Variants in MORC1 observed in about 807,000 individuals in gnomAD.
MORC1 encodes MORC family CW-type zinc finger protein 1.
In MORC1, 59 loss-of-function variants were observed where a neutral mutation model predicts 134.9. That is an observed-to-expected ratio of 0.44 (90% CI 0.35 to 0.54). The LOEUF (loss-of-function observed/expected upper bound fraction) is 0.54. Ranked by LOEUF, MORC1 falls within the 20% of genes least tolerant of loss-of-function variation. The pLI, the probability that MORC1 is intolerant of heterozygous loss-of-function variation, is 0.00. For synonymous variants in MORC1, 395 were observed against 391.7 expected, an observed-to-expected ratio of 1.01 and a Z score of -0.10; for missense variants, 947 against 1,134.5, an observed-to-expected ratio of 0.83 and a Z score of 2.37.
intron 26 of MORC1, among the ~76,000 whole-genome samples, chr3:108,965,921 A>G (rs1480762106): frequency 6.6e-6 from 1 of 152,226 alleles, no homozygotes; most frequent in African/African-American, 2.4e-5. Context: ...TTTACCTTTT[A>G]GTAACCAGTA....
chr3:109,038,462 T>C lies in MORC1; in HGVS notation c.1331-2994A>G, dbSNP rs185765275. On this transcript the variant is annotated intron_variant, in intron 14 of 27. Coordinates refer to ENST00000232603, the MANE Select transcript of MORC1 (RefSeq NM_014429.4). ...TTTAATTAGATCCCATTTGTCTATT[T>C]TGGCTTTTGTTGCCATTGCTTTTTG... Among the ~76,000 whole-genome samples, 109 of 152,338 alleles carry C rather than the reference T, an allele frequency of 7.2e-4. No homozygotes were observed. In the South Asian group the frequency reaches 0.014, roughly 19 times the overall value.
At position 109,029,997 on chromosome 3, in the gene MORC1, G is replaced by T. The variant is rs1355206678; in HGVS notation, c.1566-2108C>A. On this transcript the variant is annotated intron_variant, in intron 16 of 27. Transcript: ENST00000232603. The stretch of plus-strand genomic sequence containing the variant: ...AAGTTCATAGGCCTTTTATAAAAAT[G>T]GAATGAGCATATATAATTGCAAAGT... 3.3e-5 allele frequency among the ~76,000 whole-genome samples: 5 copies of T among 152,116 alleles called. No individual in the cohort carries two copies. In the East Asian group the frequency reaches 9.6e-4, roughly 29 times the overall value.
intron 23 of MORC1, among the ~76,000 whole-genome samples, chr3:108,981,968 C>G (rs539140761): frequency 8.5e-5 from 13 of 152,256 alleles, no homozygotes; most frequent in African/African-American, 3.1e-4. Context: ...AGTGAACAGG[C>G]AACCTACAGA....
At chr3:109,063,872 G>C (rs2107690427) in intron 9 of MORC1, among the ~76,000 whole-genome samples, 1 of 152,212 alleles carries the variant, frequency 6.6e-6, no homozygotes, top group South Asian at 2.1e-4. Flanking sequence ...GAATACAGTT[G>C]AAAGTATGTG....
chr3:109,061,878 T>G, intron 11 of MORC1, 110 bp downstream of exon 11: 1 of 963,200 alleles, frequency 1.0e-6, no homozygotes, highest in Non-Finnish European at 1.7e-6. Flanking sequence ...CTTCTGAGCT[T>G]ATCTGTGCTT....
intron 24 of MORC1, among the ~76,000 whole-genome samples, chr3:108,972,599 A>G (rs1428977401): frequency 6.6e-6 from 1 of 152,210 alleles, no homozygotes. Flanking sequence ...AAAAAGGTGG[A>G]GCAGCTTCCA....
At chr3:108,979,143 T>C (rs1947642339) in intron 24 of MORC1, among the ~76,000 whole-genome samples, 1 of 151,966 alleles carries the variant, frequency 6.6e-6, no homozygotes, top group Non-Finnish European at 1.5e-5. Context: ...TCAATTTCCC[T>C]CAATAAGTTC....
intron 3 of MORC1, chr3:109,109,714 G>GTGACCCA (rs1423156480): frequency 6.6e-6 from 1 of 152,234 alleles, no homozygotes; most frequent in African/African-American, 2.4e-5. Flanking sequence ...GGTCACTTAG[G>GTGACCCA]GAAGAATAAA....
At chr3:109,067,342 G>A (rs186813650) in intron 9 of MORC1, among the ~76,000 whole-genome samples, 7 of 152,154 alleles carry the variant, frequency 4.6e-5, no homozygotes, top group Admixed American at 2.0e-4. Context: ...ATGTTTAAGA[G>A]ACCTGAGAAA....
In MORC1 at chr3:109,007,094, T is replaced by C. The variant is rs1948558355; in HGVS notation, c.1705-3A>G. 1 of 1,607,792 alleles carries C rather than the reference T, an allele frequency of 6.2e-7. No individual in the cohort carries two copies. Among genetic ancestry groups the C allele is most frequent in the Non-Finnish European group, 8.5e-7 (1 of 1,177,326 alleles). On this transcript the variant is annotated splice_polypyrimidine_tract_variant and splice_region_variant and intron_variant, in intron 17 of 27. Coordinates refer to ENST00000232603, the MANE Select transcript of MORC1 (RefSeq NM_014429.4). The stretch of plus-strand genomic sequence containing the variant: ...TCGTCCACTGGTATAAATTGAGGCT[T>C]TATGGGAAAGCAAACCATTAAGGCA...
At chr3:108,974,687 C>T (rs77274064) in intron 24 of MORC1, among the ~76,000 whole-genome samples, 5,044 of 152,292 alleles carry the variant, frequency 0.033, 268 homozygotes, top group African/African-American at 0.11. Flanking sequence ...CAGGAATAGT[C>T]CTTCTCTTGA....
In MORC1 at chr3:109,069,975, A is replaced by G. The variant is rs114121023; in HGVS notation, c.690-218T>C. ...ACAAGGCCCAACACAAATAACCTAC[A>G]CTTTGGTTACAACTGAACTTTTGTT... is the stretch of plus-strand genomic sequence containing the variant. On this transcript the variant is annotated intron_variant, in intron 8 of 27. Transcript: ENST00000232603. 2.9e-3 allele frequency among the ~76,000 whole-genome samples: 438 copies of G among 152,334 alleles called. 1 individual carries two copies. Among genetic ancestry groups the G allele is most frequent in the Non-Finnish European group, 4.5e-3 (308 of 68,026 alleles).
chr3:109,005,490 A>G (rs1246863680), intron 18 of MORC1, among the ~76,000 whole-genome samples, 175 bp from the exon 19 acceptor site: 1 of 152,334 alleles, frequency 6.6e-6, no homozygotes, highest in East Asian at 1.9e-4. Context: ...GCTCATTAAG[A>G]ATTTGATTCA....
chr3:108,995,619 C>T (rs1026508799), intron 21 of MORC1, among the ~76,000 whole-genome samples: 4 of 152,050 alleles, frequency 2.6e-5, no homozygotes, highest in Admixed American at 2.6e-4. Context: ...GTGGAGACCC[C>T]AAGAAGATGA....
At chr3:108,972,634 T>C (rs1947420030) in intron 24 of MORC1, among the ~76,000 whole-genome samples, 1 of 152,112 alleles carries the variant, frequency 6.6e-6, no homozygotes, top group African/African-American at 2.4e-5. Context: ...GAAGAAATCA[T>C]ATGAAAAGAA....
intron 9 of MORC1, among the ~76,000 whole-genome samples, chr3:109,065,205 A>G (rs1950169686): frequency 6.6e-6 from 1 of 152,168 alleles, no homozygotes; most frequent in African/African-American, 2.4e-5. Context: ...ATCTTTTAAA[A>G]ACATAGGTCA....
chr3:109,090,329 T>C (rs1458177015), intron 8 of MORC1, among the ~76,000 whole-genome samples: 1 of 151,974 alleles, frequency 6.6e-6, no homozygotes, highest in African/African-American at 2.4e-5. Context: ...TTTAAAACTG[T>C]TGTCAAAGCC....
intron 17 of MORC1, among the ~76,000 whole-genome samples, chr3:109,019,606 A>T (rs1948907998): frequency 6.6e-6 from 1 of 152,240 alleles, no homozygotes; most frequent in African/African-American, 2.4e-5. Flanking sequence ...GCGTTGGCTG[A>T]AATCATGGTT....
chr3:109,048,193 G>C (rs1305006213), intron 14 of MORC1, among the ~76,000 whole-genome samples: 1 of 152,180 alleles, frequency 6.6e-6, no homozygotes, highest in Non-Finnish European at 1.5e-5. Context: ...GGAAGAGGGA[G>C]AGAGTGTGAG....
Sources: allele counts gnomAD v4.1 joint callset (sites outside exome capture counted in the v4.1 genomes callset), GRCh38; gene constraint gnomAD v4.1.1; transcripts MANE v1.5; gene names NCBI Gene and HGNC (gene_info 2026-07-23, HGNC 2026-07-21).